The following C2orf76 variants were observed in gnomAD, a reference collection of about 807,000 sequenced individuals.
C2orf76 encodes UPF0538 protein C2orf76.
In C2orf76, 23 loss-of-function variants were observed where a neutral mutation model predicts 16.9. The ratio of observed to expected loss-of-function variants is 1.36; its 90% CI spans 0.98 to 1.93. The LOEUF (loss-of-function observed/expected upper bound fraction) is 1.93. C2orf76 is among the 30% of genes most tolerant of loss of function. The pLI, the probability that C2orf76 is intolerant of heterozygous loss-of-function variation, is 0.00. For missense variants in C2orf76, 152 were observed against 152.6 expected (o/e 1.00, Z 0.02); for synonymous variants, 48 against 52.3 (o/e 0.92, Z 0.35).
chr2:119,302,462 C>T lies in C2orf76; in HGVS notation c.*10G>A, dbSNP rs749447892. On this transcript the variant is annotated 3_prime_UTR_variant, in exon 6 of 6. Coordinates refer to ENST00000334816, the MANE Select transcript of C2orf76 (RefSeq NM_001322331.2). ...TACAGGTATGCAAAAAGGAAGCCCT[C>T]GAGATGTTTTCACCAGGATGAAATG... 3.0e-5 allele frequency: 35 copies of T among 1,168,106 alleles called. No homozygotes were observed. Among genetic ancestry groups the T allele is most frequent in the Admixed American group, 1.2e-4 (6 of 48,604 alleles). The allele number at this position is 1,168,106 out of a possible 1,614,324, so 72.4% of individuals were successfully genotyped here. A position where few individuals can be genotyped will look rare whatever the true frequency, so the allele number is the denominator to read the frequency against.
At chr2:119,326,583 G>T (rs1204791041) in intron 2 of C2orf76, among the ~76,000 whole-genome samples, 1 of 128,288 alleles carries the variant, frequency 7.8e-6, no homozygotes, top group Non-Finnish European at 1.7e-5. Flanking sequence ...GAATAAGTTT[G>T]GTATTATCTG....
Position 119,302,537 on chromosome 2 carries a change from C to T in C2orf76, c.316G>A (p.Glu106Lys), listed in dbSNP as rs1678647742. 3 of 1,488,056 alleles carry T rather than the reference C, an allele frequency of 2.0e-6. No individual in the cohort carries two copies. The highest frequency in any genetic ancestry group is 2.0e-5 in the Admixed American group (1 of 50,140). The allele number at this position is 1,488,056 out of a possible 1,614,324, so 92.2% of individuals were successfully genotyped here. A position where few individuals can be genotyped will look rare whatever the true frequency, so the allele number is the denominator to read the frequency against. ...LKAAGIASET[E>K]IAFFCEEDYK... is the part of the protein sequence containing the mutation. The stretch of plus-strand genomic sequence containing the variant: ...TCTTCTTCACAGAAGAATGCAATTT[C>T]AGTTTCACTGGCTGAAAAAAAACAG... The change falls in exon 6 of 6, where the codon GAA becomes AAA. Residue 106 changes from glutamate to lysine, a missense_variant. Glu to Lys is a moderately conservative substitution (Grantham distance 56). Coordinates refer to ENST00000334816, the MANE Select transcript of C2orf76 (RefSeq NM_001322331.2).
intron 1 of C2orf76, among the ~76,000 whole-genome samples, chr2:119,343,924 T>C (rs1463683047): frequency 1.3e-5 from 2 of 152,258 alleles, no homozygotes; most frequent in Non-Finnish European, 2.9e-5. Flanking sequence ...TAGGTTTGGG[T>C]ATAAAGACAG....
the C2orf76 span, among the ~76,000 whole-genome samples, chr2:119,286,094 T>C: frequency 6.6e-6 from 1 of 151,672 alleles, no homozygotes; most frequent in African/African-American, 2.4e-5. Context: ...GGCATAGTGG[T>C]GGGCACCTGT....
chr2:119,353,474 T>C (rs185086262), intron 1 of C2orf76, among the ~76,000 whole-genome samples: 1 of 152,284 alleles, frequency 6.6e-6, no homozygotes, highest in Admixed American at 6.5e-5. Flanking sequence ...AACGAAATTT[T>C]CTTCTAAAAA....
In C2orf76 at chr2:119,302,539, G is replaced by A; in HGVS notation, c.314C>T (p.Thr105Ile). The stretch of plus-strand genomic sequence containing the variant: ...TTCTTCACAGAAGAATGCAATTTCA[G>A]TTTCACTGGCTGAAAAAAAACAGAA... ...TLKAAGIASE[T>I]EIAFFCEEDY... Residue 105 changes from threonine (T) to isoleucine (I), a missense_variant, in exon 6 of 6, where the codon ACT becomes ATT. Coordinates refer to ENST00000334816, the MANE Select transcript of C2orf76 (RefSeq NM_001322331.2). The A allele has an allele frequency of 6.7e-7, 1 of 1,485,482 alleles. No individual in the cohort carries two copies. Among genetic ancestry groups the A allele is most frequent in the Non-Finnish European group, 9.1e-7 (1 of 1,099,218 alleles). 92.0% of individuals were successfully genotyped at this position (1,485,482 alleles called of 1,614,324 possible).
downstream of C2orf76, among the ~76,000 whole-genome samples, chr2:119,300,850 C>A (rs1358813672): frequency 6.6e-6 from 1 of 152,122 alleles, no homozygotes; most frequent in Non-Finnish European, 1.5e-5. Flanking sequence ...CTACTGAATG[C>A]CTACTGCTTT....
At chr2:119,341,046 G>A (rs1680013666) in intron 1 of C2orf76, among the ~76,000 whole-genome samples, 1 of 151,820 alleles carries the variant, frequency 6.6e-6, no homozygotes, top group Admixed American at 6.6e-5. Context: ...TTCTGCCCTG[G>A]GACGACAGAG....
intron 1 of C2orf76, among the ~76,000 whole-genome samples, chr2:119,343,659 G>C (rs556939777): frequency 6.6e-6 from 1 of 152,158 alleles, no homozygotes; most frequent in Non-Finnish European, 1.5e-5. Flanking sequence ...TTAGCCGGGC[G>C]TGGTGGCACA....
intron 2 of C2orf76, among the ~76,000 whole-genome samples, chr2:119,327,072 G>A (rs1679530377): frequency 6.6e-6 from 1 of 152,074 alleles, no homozygotes; most frequent in South Asian, 2.1e-4. Flanking sequence ...TAATGAACTG[G>A]CTAGAACTCC....
chr2:119,289,689 A>AG, the C2orf76 span, among the ~76,000 whole-genome samples: 1 of 149,646 alleles, frequency 6.7e-6, no homozygotes, highest in South Asian at 2.2e-4. Flanking sequence ...CGTCTCAAGA[A>AG]AAAAAAAAAA....
At chr2:119,350,960 C>T (rs912817265) in intron 1 of C2orf76, among the ~76,000 whole-genome samples, 1 of 152,114 alleles carries the variant, frequency 6.6e-6, no homozygotes, top group Non-Finnish European at 1.5e-5. Flanking sequence ...GTTGATGTTA[C>T]ACTGATCTCT....
chr2:119,355,506 T>A (rs1680542993), intron 1 of C2orf76, among the ~76,000 whole-genome samples: 1 of 152,090 alleles, frequency 6.6e-6, no homozygotes, highest in African/African-American at 2.4e-5. Flanking sequence ...TCTACAGCTG[T>A]GACATAAACC....
chr2:119,336,303 G>T (rs1465613203), intron 2 of C2orf76, among the ~76,000 whole-genome samples: 1 of 152,088 alleles, frequency 6.6e-6, no homozygotes, highest in African/African-American at 2.4e-5. Flanking sequence ...TGAGGCAGGA[G>T]AATCGCTTCA....
Position 119,302,429 on chromosome 2 carries a change from G to T in C2orf76, c.*43C>A. 4.0e-6 allele frequency: 3 copies of T among 751,050 alleles called. No individual in the cohort carries two copies. Among genetic ancestry groups the T allele is most frequent in the African/African-American group, 1.8e-5 (1 of 54,180 alleles). 46.5% of individuals were successfully genotyped at this position (751,050 alleles called of 1,614,324 possible). On this transcript the variant is annotated 3_prime_UTR_variant, in exon 6 of 6. Transcript: ENST00000334816. The stretch of plus-strand genomic sequence containing the variant: ...TTCAAAAATTCAGCAGTGGAATAAA[G>T]AGCTTAATACAGGTATGCAAAAAGG...
chr2:119,334,379 C>CAAAAAAAA (rs34753333), intron 2 of C2orf76, among the ~76,000 whole-genome samples: 3 of 71,634 alleles, frequency 4.2e-5, no homozygotes, highest in Non-Finnish European at 7.4e-5. Context: ...GTATGCAAAG[C>CAAAAAAAA]AAAAAAAAAA....
chr2:119,359,220 G>A (rs776056595), intron 1 of C2orf76, among the ~76,000 whole-genome samples: 2 of 152,126 alleles, frequency 1.3e-5, no homozygotes, highest in African/African-American at 2.4e-5. Context: ...GCCCACTGTT[G>A]AGACCTAATC....
chr2:119,348,567 T>A (rs1297390107), intron 1 of C2orf76, among the ~76,000 whole-genome samples: 1 of 151,904 alleles, frequency 6.6e-6, no homozygotes, highest in Non-Finnish European at 1.5e-5. Flanking sequence ...GCGCCTGTAA[T>A]CCCAGCTACT....
intron 2 of C2orf76, among the ~76,000 whole-genome samples, chr2:119,337,731 C>G (rs909903916): frequency 6.6e-6 from 1 of 152,126 alleles, no homozygotes; most frequent in African/African-American, 2.4e-5. Flanking sequence ...ACACATTTCC[C>G]TAAGTGCACA....
Sources: allele counts gnomAD v4.1 joint callset (sites outside exome capture counted in the v4.1 genomes callset), GRCh38; gene constraint gnomAD v4.1.1; transcripts MANE v1.5; gene names NCBI Gene and HGNC (gene_info 2026-07-23, HGNC 2026-07-21).